Variants in SASH1 observed in about 807,000 individuals in gnomAD.
SASH1 encodes the protein SAM and SH3 domain-containing protein 1.
Under a neutral mutation model 125.2 loss-of-function variants are expected in SASH1, and 44 were observed. The observed-to-expected ratio is 0.35, with a 90% confidence interval of 0.28 to 0.45. SASH1 has a LOEUF of 0.45. SASH1 is among the 20% of genes least tolerant of loss of function. The pLI, the probability that SASH1 is intolerant of heterozygous loss-of-function variation, is 1.00. For missense variants in SASH1, 1,426 were observed against 1,614.5 expected (o/e 0.88, Z 2.00); for synonymous variants, 639 against 649.1 (o/e 0.98, Z 0.24).
the SASH1 span, among the ~76,000 whole-genome samples, chr6:148,208,008 G>A: frequency 6.6e-6 from 1 of 152,170 alleles, no homozygotes; most frequent in Non-Finnish European, 1.5e-5. Context: ...AAGGATCACA[G>A]CAATGGCACA....
intron 1 of SASH1, among the ~76,000 whole-genome samples, chr6:148,296,492 A>T (rs1779769240): frequency 6.6e-6 from 1 of 152,202 alleles, no homozygotes; most frequent in African/African-American, 2.4e-5. Flanking sequence ...CTTACTTAGC[A>T]GTTACTATGT....
rs986453217 is a variant in SASH1 at position 148,525,349 on chromosome 6, A to G, written c.1268A>G (p.Asn423Ser). 1 of 1,613,934 alleles carries G rather than the reference A, an allele frequency of 6.2e-7. No homozygotes were observed. Among genetic ancestry groups the G allele is most frequent in the African/African-American group, 1.3e-5 (1 of 75,042 alleles). Residue 423 changes from asparagine to serine, a missense_variant, in exon 11 of 20, where the codon AAT (asparagine) becomes AGT (serine). Transcript: ENST00000367467. Reference sequence around the variant, plus strand: ...AATCGCTCTCTGCACGTTGGCAGTAATAATTCTGACCCAATGGTGAGTAAC... The same window carrying G: ...AATCGCTCTCTGCACGTTGGCAGTAGTAATTCTGACCCAATGGTGAGTAAC... ...LTNRSLHVGSNNSDPMGKEGD... is the reference protein window; with the variant it reads ...LTNRSLHVGSSNSDPMGKEGD...
At chr6:148,357,688 G>A (rs1159601856) in intron 1 of SASH1, among the ~76,000 whole-genome samples, 1 of 152,096 alleles carries the variant, frequency 6.6e-6, no homozygotes, top group East Asian at 1.9e-4. Context: ...ACCCATGACT[G>A]TCCACTTTGT....
At position 148,426,692 on chromosome 6, in the gene SASH1, C is replaced by G. The variant is rs535013531; in HGVS notation, c.286-13492C>G. The stretch of plus-strand genomic sequence containing the variant: ...TTTTATCCTCGTTGACTTATGGGCT[C>G]AGTAACTATTTTTAAAATGATGGAA... On this transcript the variant is annotated intron_variant, in intron 2 of 19. Transcript: ENST00000367467. 7.2e-5 allele frequency among the ~76,000 whole-genome samples: 11 copies of G among 152,116 alleles called. No homozygotes were observed. The East Asian group carries it at 1.9e-3, about 27-fold the overall frequency.
At chr6:148,457,278 A>G (rs773664460) in intron 4 of SASH1, among the ~76,000 whole-genome samples, 1 of 151,748 alleles carries the variant, frequency 6.6e-6, no homozygotes, top group Non-Finnish European at 1.5e-5. Context: ...GCAGCATTAC[A>G]AACTTAAATT....
At chr6:148,297,505 C>A (rs1358130672) in intron 1 of SASH1, among the ~76,000 whole-genome samples, 3 of 152,136 alleles carry the variant, frequency 2.0e-5, no homozygotes, top group Admixed American at 6.6e-5. Context: ...TAACATACAT[C>A]CATCCTATGC....
chr6:148,530,097 G>T (rs182849229), intron 12 of SASH1, among the ~76,000 whole-genome samples: 1 of 152,162 alleles, frequency 6.6e-6, no homozygotes, highest in African/African-American at 2.4e-5. Context: ...GAGCCACTGC[G>T]CCCACCTTGT....
At position 148,349,167 on chromosome 6, in the gene SASH1, G is replaced by A. The variant is rs34700747; in HGVS notation, c.156+5944G>A. ...TTGCTGGATAAGGTTTGTGGGCACC[G>A]GTGAAAGAGGCCATTGGGCATGGGA... is the stretch of plus-strand genomic sequence containing the variant. On this transcript the variant is annotated intron_variant, in intron 1 of 19. Coordinates refer to ENST00000367467, the MANE Select transcript of SASH1 (RefSeq NM_015278.5). 5.3e-3 allele frequency among the ~76,000 whole-genome samples: 802 copies of A among 151,428 alleles called. 5 individuals carry two copies. Among genetic ancestry groups the A allele is most frequent in the Middle Eastern group, 0.028 (8 of 290 alleles).
At chr6:148,283,928 A>T (rs1381236356) in intron 1 of SASH1, among the ~76,000 whole-genome samples, 1 of 149,996 alleles carries the variant, frequency 6.7e-6, no homozygotes, top group African/African-American at 2.4e-5. Flanking sequence ...TATCTATGTA[A>T]TTTTTTTTTT....
chr6:148,406,954 C>T (rs1478168075), intron 2 of SASH1, among the ~76,000 whole-genome samples: 2 of 152,188 alleles, frequency 1.3e-5, no homozygotes, highest in African/African-American at 4.8e-5. Flanking sequence ...GAATCAGGCG[C>T]TCCAAGGGTC....
intron 10 of SASH1, among the ~76,000 whole-genome samples, chr6:148,521,809 G>GT (rs1255063216): frequency 6.6e-6 from 1 of 152,062 alleles, no homozygotes. Flanking sequence ...ATCTGCTCTT[G>GT]TATGTTTTGA....
chr6:148,246,055 C>T, the SASH1 span, among the ~76,000 whole-genome samples: 2 of 151,910 alleles, frequency 1.3e-5, no homozygotes, highest in South Asian at 2.1e-4. Context: ...CTAACACATA[C>T]ACAAACACAC....
At chr6:148,233,105 T>C in the SASH1 span, among the ~76,000 whole-genome samples, 1,205 of 151,244 alleles carry the variant, frequency 8.0e-3, 16 homozygotes, top group African/African-American at 0.028. Context: ...TCCCAGATAC[T>C]CGGGAGGCTG....
chr6:148,368,770 G>GCACACACACACACACACACA (rs377455429), intron 1 of SASH1, among the ~76,000 whole-genome samples: 8,121 of 135,626 alleles, frequency 0.06, 301 homozygotes, highest in East Asian at 0.077. Context: ...GCACGCGCGC[G>GCACACACACACACACACACA]CACACACACA....
At chr6:148,263,205 C>T in the SASH1 span, among the ~76,000 whole-genome samples, 1 of 152,298 alleles carries the variant, frequency 6.6e-6, no homozygotes, top group Middle Eastern at 3.4e-3. Flanking sequence ...TATGCAGTAA[C>T]TGAAGCCTTC....
At chr6:148,280,182 A>G (rs1290181156) in intron 1 of SASH1, 2 of 151,288 alleles carry the variant, frequency 1.3e-5, no homozygotes, top group East Asian at 2.0e-4. Context: ...TCTCAGCCCC[A>G]TGGAACTTAC....
At chr6:148,441,154 G>A (rs1467686781) in intron 4 of SASH1, among the ~76,000 whole-genome samples, 3 of 152,200 alleles carry the variant, frequency 2.0e-5, no homozygotes, top group African/African-American at 4.8e-5. Context: ...CTAAACAGAC[G>A]CTTCCTTTGG....
chr6:148,453,335 T>C (rs1777192506), intron 4 of SASH1, among the ~76,000 whole-genome samples: 1 of 152,148 alleles, frequency 6.6e-6, no homozygotes, highest in Non-Finnish European at 1.5e-5. Context: ...GGTGGGAGGC[T>C]ATCAGTAAAT....
intron 4 of SASH1, among the ~76,000 whole-genome samples, chr6:148,441,616 C>T (rs149672459): frequency 5.9e-5 from 9 of 152,220 alleles, no homozygotes; most frequent in East Asian, 5.8e-4. Flanking sequence ...ATCGAGTGAA[C>T]GGGCTGTAGC....
Sources: allele counts gnomAD v4.1 joint callset (sites outside exome capture counted in the v4.1 genomes callset), GRCh38; gene constraint gnomAD v4.1.1; transcripts MANE v1.5; gene names NCBI Gene and HGNC (gene_info 2026-07-23, HGNC 2026-07-21).